MCM10: variants seen among roughly 807,000 people sequenced by gnomAD.
The protein encoded by MCM10 is protein MCM10 homolog.
MCM10 carries 91 observed loss-of-function variants against 109.9 expected under a neutral mutation model. That is an observed-to-expected ratio of 0.83 (90% CI 0.70 to 0.99). The LOEUF (loss-of-function observed/expected upper bound fraction) is 0.99. Ranked by LOEUF, MCM10 falls within the 50% of genes least tolerant of loss-of-function variation. MCM10 has a pLI of 0.00. For synonymous variants in MCM10, 380 were observed against 387.2 expected, an observed-to-expected ratio of 0.98 and a Z score of 0.22; for missense variants, 1,077 against 1,061.2, an observed-to-expected ratio of 1.01 and a Z score of -0.21.
At chr10:13,201,619 C>A (rs1042989362) in intron 17 of MCM10, 85 bp downstream of exon 17, 1 of 991,566 alleles carries the variant, frequency 1.0e-6, no homozygotes, top group Non-Finnish European at 1.6e-6. Context: ...CCTGTGGGAT[C>A]TGGGGCCCTA....
intron 15 of MCM10, 74 bp from the exon 16 acceptor site, chr10:13,198,615 G>C: frequency 1.1e-6 from 1 of 914,046 alleles, no homozygotes; most frequent in Non-Finnish European, 1.8e-6. Context: ...GAGTGGGAGG[G>C]AGTAGAGTTG....
intron 10 of MCM10, among the ~76,000 whole-genome samples, chr10:13,189,783 G>A (rs993178702): frequency 6.6e-6 from 1 of 152,170 alleles, no homozygotes; most frequent in African/African-American, 2.4e-5. Context: ...AATATACTAT[G>A]AAGCTTCACA....
At position 13,209,993 on chromosome 10, in the gene MCM10, G is replaced by C. The variant is rs1834637231; in HGVS notation, c.*683G>C. The stretch of plus-strand genomic sequence containing the variant: ...ATATATAGAGAGAAAGAAGGTGTCT[G>C]CTCTTACATTATTGTGGAGCCCTGT... On this transcript the variant is annotated 3_prime_UTR_variant, in exon 20 of 20. Transcript: ENST00000378714. The C allele has an allele frequency of 6.6e-6, 1 of 151,706 alleles. No homozygotes were observed. Among genetic ancestry groups the C allele is most frequent in the African/African-American group, 2.4e-5 (1 of 41,272 alleles). 9.4% of individuals were successfully genotyped at this position (151,706 alleles called of 1,614,324 possible). A position where few individuals can be genotyped will look rare whatever the true frequency, so the allele number is the denominator to read the frequency against.
intron 10 of MCM10, among the ~76,000 whole-genome samples, chr10:13,190,808 C>A (rs1834337990): frequency 6.6e-6 from 1 of 151,214 alleles, no homozygotes; most frequent in Non-Finnish European, 1.5e-5. Context: ...TTTGTATCCA[C>A]TTTTTTTCCA....
At chr10:13,202,414 C>T (rs1834512297) in intron 17 of MCM10, among the ~76,000 whole-genome samples, 1 of 152,184 alleles carries the variant, frequency 6.6e-6, no homozygotes, top group Non-Finnish European at 1.5e-5. Context: ...CCTTCCATTA[C>T]CATTTGTTCC....
At position 13,197,645 on chromosome 10, in the gene MCM10, G is replaced by A. The variant is rs1000520925; in HGVS notation, c.1997G>A (p.Arg666Lys). Residue 666 changes from arginine to lysine, a missense_variant, in exon 15 of 20, where the codon AGG (arginine) becomes AAG (lysine). Transcript: ENST00000378714. Reference sequence around the variant, plus strand: ...TAGTTAGCTGCTATCACCAAATTAAGGGCAAAAGGCCAGGTTCTTACAAAA... The same window carrying A: ...TAGTTAGCTGCTATCACCAAATTAAAGGCAAAAGGCCAGGTTCTTACAAAA... The part of the protein sequence containing the change: ...AKKLAAITKL[R>K]AKGQVLTKTN... The A allele has an allele frequency of 1.2e-6, 2 of 1,613,190 alleles. No homozygotes were observed. Among genetic ancestry groups the A allele is most frequent in the African/African-American group, 2.7e-5 (2 of 74,806 alleles).
At chr10:13,201,619 C>T (rs1042989362) in intron 17 of MCM10, 85 bp downstream of exon 17, 4 of 991,452 alleles carry the variant, frequency 4.0e-6, no homozygotes, top group Non-Finnish European at 6.2e-6. Flanking sequence ...CCTGTGGGAT[C>T]TGGGGCCCTA....
In MCM10 at chr10:13,197,735, G is replaced by A. The variant is rs758861708; in HGVS notation, c.2087G>A (p.Arg696His). The A allele has an allele frequency of 3.1e-6, 5 of 1,612,476 alleles. No individual in the cohort carries two copies. Among genetic ancestry groups the A allele is most frequent in the East Asian group, 4.5e-5 (2 of 44,854 alleles). ...CAGGACATCCTGGAGGTGAAGGAAC[G>A]TGTAGAAAAAAACACCATGTTTTCT... is the stretch of plus-strand genomic sequence containing the variant. ...DPQDILEVKE[R>H]VEKNTMFSSQ... Residue 696 changes from arginine to histidine, a missense_variant, in exon 15 of 20, where the codon CGT becomes CAT. Physicochemically the swap from Arg to His is conservative, Grantham distance 29 (BLOSUM62 0). Transcript: ENST00000378714.
At chr10:13,176,698 A>G (rs1189811406) in intron 6 of MCM10, among the ~76,000 whole-genome samples, 2 of 152,204 alleles carry the variant, frequency 1.3e-5, no homozygotes, top group East Asian at 1.9e-4. Flanking sequence ...GGAGCTCGAG[A>G]CTAGCTGGGG....
At chr10:13,176,596 C>A (rs1588468749) in intron 6 of MCM10, among the ~76,000 whole-genome samples, 1 of 152,180 alleles carries the variant, frequency 6.6e-6, no homozygotes, top group East Asian at 1.9e-4. Flanking sequence ...TGCCAACATA[C>A]AATAAAAGTG....
intron 18 of MCM10, 33 bp downstream of exon 18, chr10:13,204,397 G>C (rs943919726): frequency 1.2e-6 from 2 of 1,609,258 alleles, no homozygotes; most frequent in Admixed American, 1.7e-5. Context: ...TTTGTCCCAC[G>C]TGGGGATTTT....
intron 1 of MCM10, among the ~76,000 whole-genome samples, chr10:13,162,706 G>A (rs932077438): frequency 3.9e-5 from 6 of 152,164 alleles, no homozygotes; most frequent in Non-Finnish European, 7.3e-5. Flanking sequence ...CGCTCAGGAA[G>A]CTTACTGTCC....
chr10:13,194,900 C>T lies in MCM10; in HGVS notation c.1746-141C>T, dbSNP rs114911519. The stretch of plus-strand genomic sequence containing the variant: ...TCTTATCGTGTGCAAATTTGAATTA[C>T]CAGCCTAGAAGGGGACATTATTTTG... On this transcript the variant is annotated intron_variant, in intron 13 of 19. Coordinates refer to ENST00000378714, the MANE Select transcript of MCM10 (RefSeq NM_018518.5). 1.1e-3 allele frequency: 709 copies of T among 646,802 alleles called. 5 individuals carry two copies. In the African/African-American group the frequency reaches 0.011, roughly 10 times the overall value. 40.1% of individuals were successfully genotyped at this position (646,802 alleles called of 1,614,324 possible).
intron 6 of MCM10, among the ~76,000 whole-genome samples, chr10:13,180,043 C>G (rs1343309631): frequency 1.3e-5 from 2 of 152,120 alleles, no homozygotes; most frequent in Non-Finnish European, 2.9e-5. Flanking sequence ...CGCTTGAGGC[C>G]AGGAGTTTGA....
At chr10:13,193,340 G>C (rs1834373955) in intron 13 of MCM10, among the ~76,000 whole-genome samples, 1 of 151,980 alleles carries the variant, frequency 6.6e-6, no homozygotes, top group Non-Finnish European at 1.5e-5. Context: ...GCATAGGGTA[G>C]GTGGACAAAT....
In MCM10 at chr10:13,180,624, G is replaced by A; in HGVS notation, c.930+17G>A. ...GTGAATAGTGTAAGCCATTGTATTG[G>A]TTTCTTAGCTGTTTTACTACAAACT... On this transcript the variant is annotated intron_variant, in intron 7 of 19. Coordinates refer to ENST00000378714, the MANE Select transcript of MCM10 (RefSeq NM_018518.5). 1 of 1,612,780 alleles carries A rather than the reference G, an allele frequency of 6.2e-7. No homozygotes were observed. Among genetic ancestry groups the A allele is most frequent in the Non-Finnish European group, 8.5e-7 (1 of 1,179,704 alleles).
At chr10:13,201,271 C>T in intron 16 of MCM10, 150 bp from the exon 17 acceptor site, 1 of 605,658 alleles carries the variant, frequency 1.7e-6, no homozygotes, top group South Asian at 2.1e-5. Flanking sequence ...TGTCCAGGGC[C>T]CTCTCACACT....
intron 5 of MCM10, among the ~76,000 whole-genome samples, chr10:13,175,223 C>G (rs981343342): frequency 5.3e-5 from 8 of 152,038 alleles, no homozygotes; most frequent in Non-Finnish European, 1.0e-4. Flanking sequence ...TGCTTGGGCT[C>G]AGGGGTTTGA....
At chr10:13,191,153 C>T in intron 10 of MCM10, 146 bp from the exon 11 acceptor site, 1 of 597,652 alleles carries the variant, frequency 1.7e-6, no homozygotes, top group Non-Finnish European at 3.0e-6. Context: ...TGCTATTGGG[C>T]CGTAACATTA....
Sources: gnomAD v4.1 joint callset for allele counts (sites outside exome capture counted in the v4.1 genomes callset) on GRCh38, gnomAD v4.1.1 for gene constraint, MANE v1.5 for transcripts, NCBI Gene and HGNC (gene_info 2026-07-23, HGNC 2026-07-21) for gene names.